Variants in TSEN2 observed in about 807,000 individuals in gnomAD.
The protein encoded by TSEN2 is tRNA-splicing endonuclease subunit Sen2.
Under a neutral mutation model 59.2 loss-of-function variants are expected in TSEN2, and 54 were observed. The observed-to-expected ratio is 0.91, with a 90% CI of 0.73 to 1.14. TSEN2 has a LOEUF of 1.14. Ranked by LOEUF, TSEN2 falls within the 50% of genes most tolerant of loss-of-function variation. TSEN2 has a pLI of 0.00. For missense variants in TSEN2, 636 were observed against 576.2 expected, an observed-to-expected ratio of 1.10 and a Z score of -1.06; for synonymous variants, 195 against 198.2, an observed-to-expected ratio of 0.98 and a Z score of 0.14.
At chr3:12,500,513 C>T (rs1345414242) in intron 4 of TSEN2, among the ~76,000 whole-genome samples, 1 of 152,202 alleles carries the variant, frequency 6.6e-6, no homozygotes, top group Non-Finnish European at 1.5e-5. Flanking sequence ...AGGACCTAGA[C>T]CTCCAGAGGC....
In TSEN2 at chr3:12,489,711, G is replaced by A. The variant is rs546630254; in HGVS notation, c.-17-73G>A. On this transcript the variant is annotated intron_variant, in intron 1 of 11. Transcript: ENST00000284995. ...ACTAAGTTTTCTGAGCCTAGGTACA[G>A]ATGTACTCACATTTTGGATCAAGGT... is the stretch of plus-strand genomic sequence containing the variant. The A allele has an allele frequency of 1.1e-5, 14 of 1,292,082 alleles. No homozygotes were observed. The Admixed American group carries it at 1.9e-4, about 17-fold the overall frequency. 80.0% of individuals were successfully genotyped at this position (1,292,082 alleles called of 1,614,324 possible).
rs167257 is a variant in TSEN2 at position 12,532,499 on chromosome 3, T to C, written c.1339-163T>C. Among the ~76,000 whole-genome samples, 64,844 of 152,100 alleles carry C rather than the reference T, an allele frequency of 0.43. 15,387 individuals carry two copies. The highest frequency in any genetic ancestry group is 0.63 in the African/African-American group (26,168 of 41,466). On this transcript the variant is annotated intron_variant, in intron 11 of 11. Transcript: ENST00000284995. ...ATACTGTATGCTTGTAAGGTTTATA[T>C]TGTTACATTCATTTTCTCCAGATGT...
chr3:12,487,002 A>G (rs1575200952), intron 1 of TSEN2, among the ~76,000 whole-genome samples: 1 of 152,224 alleles, frequency 6.6e-6, no homozygotes, highest in South Asian at 2.1e-4. Context: ...GAACATTCAC[A>G]TACAAATTTT....
Position 12,520,148 on chromosome 3 carries a change from G to A in TSEN2, c.1099+951G>A, listed in dbSNP as rs1322498149. Among the ~76,000 whole-genome samples, 6 of 152,140 alleles carry A rather than the reference G, an allele frequency of 3.9e-5. No individual in the cohort carries two copies. In the South Asian group the frequency reaches 8.3e-4, roughly 21 times the overall value. ...CGAGTAGCTGGGAATACAGGCGCCC[G>A]CCATCACACCCGGCTAATTTTTTGT... On this transcript the variant is annotated intron_variant, in intron 8 of 11. Coordinates refer to ENST00000284995, the MANE Select transcript of TSEN2 (RefSeq NM_025265.4).
At chr3:12,536,930 GA>G (rs1451194409), downstream of TSEN2, among the ~76,000 whole-genome samples, 3 of 151,968 alleles carry the variant, frequency 2.0e-5, no homozygotes, top group Non-Finnish European at 4.4e-5. Context: ...TTGAACCCGG[GA>G]GGTGGGAGGT....
In TSEN2 at chr3:12,503,381, G is replaced by A. The variant is rs577006393; in HGVS notation, c.428G>A (p.Arg143Lys). Residue 143 changes from arginine to lysine, a missense_variant, in exon 5 of 12, where the codon AGG becomes AAG. Arg to Lys is a conservative substitution (Grantham distance 26). Transcript: ENST00000284995. ...CCGCTTGAGCATCCTCCTGTGAAAAGGAATGAAGAGGCTCAAGTGCATGAC... is the reference window on the plus strand; with the variant it reads ...CCGCTTGAGCATCCTCCTGTGAAAAAGAATGAAGAGGCTCAAGTGCATGAC... ...TKPLEHPPVK[R>K]NEEAQVHDKL... 1.2e-5 allele frequency: 20 copies of A among 1,614,080 alleles called. No individual in the cohort carries two copies. Among genetic ancestry groups the A allele is most frequent in the Non-Finnish European group, 1.6e-5 (19 of 1,180,052 alleles).
intron 4 of TSEN2, among the ~76,000 whole-genome samples, chr3:12,497,823 A>G (rs2053908246): frequency 6.6e-6 from 1 of 152,160 alleles, no homozygotes; most frequent in Admixed American, 6.5e-5. Flanking sequence ...CACAGACTCA[A>G]TGGCTTAAAA....
chr3:12,514,245 C>T (rs2055811544), intron 6 of TSEN2, among the ~76,000 whole-genome samples: 1 of 152,118 alleles, frequency 6.6e-6, no homozygotes, highest in Admixed American at 6.5e-5. Flanking sequence ...ATTACAGAGG[C>T]AAAGGCCTGA....
At position 12,533,019 on chromosome 3, in the gene TSEN2, C is replaced by A. The variant is rs2057559678; in HGVS notation, c.*298C>A. ...CTGGGGAGATTGGACTAGAGGAGTCCTGAGAGGACACTTCCAACAAGAGAC... is the reference window on the plus strand; with the variant it reads ...CTGGGGAGATTGGACTAGAGGAGTCATGAGAGGACACTTCCAACAAGAGAC... On this transcript the variant is annotated 3_prime_UTR_variant, in exon 12 of 12. Transcript: ENST00000284995. 2 of 482,216 alleles carry A rather than the reference C, an allele frequency of 4.1e-6. No individual in the cohort carries two copies. Among genetic ancestry groups the A allele is most frequent in the East Asian group, 7.6e-5 (2 of 26,196 alleles). The allele number at this position is 482,216 out of a possible 1,614,324, so 29.9% of individuals were successfully genotyped here. A position where few individuals can be genotyped will look rare whatever the true frequency, so the allele number is the denominator to read the frequency against.
intron 8 of TSEN2, among the ~76,000 whole-genome samples, chr3:12,526,341 C>T (rs1399619441): frequency 4.6e-5 from 7 of 152,250 alleles, no homozygotes; most frequent in South Asian, 2.1e-4. Context: ...TACAGGTATA[C>T]GGGTTTTCTC....
intron 2 of TSEN2, among the ~76,000 whole-genome samples, chr3:12,491,148 G>A (rs1235892504): frequency 6.6e-6 from 1 of 151,988 alleles, no homozygotes; most frequent in Non-Finnish European, 1.5e-5. Flanking sequence ...ATGCCACCAT[G>A]CCTGGCTAAT....
intron 6 of TSEN2, among the ~76,000 whole-genome samples, chr3:12,506,013 T>C (rs147134365): frequency 9.9e-4 from 151 of 152,236 alleles, no homozygotes; most frequent in African/African-American, 3.5e-3. Flanking sequence ...AGATGCTGAC[T>C]GGTGATGCCG....
chr3:12,506,976 C>T (rs1429328680), intron 6 of TSEN2: 13 of 472,902 alleles, frequency 2.7e-5, no homozygotes, highest in East Asian at 1.5e-4. Flanking sequence ...GGGTGGATCA[C>T]GAGGTCAGGA....
Position 12,503,348 on chromosome 3 carries a change from A to G in TSEN2, c.395A>G (p.Tyr132Cys). Residue 132 changes from tyrosine (Y) to cysteine (C), a missense_variant, in exon 5 of 12, where the codon TAC (tyrosine) becomes TGC (cysteine). Transcript: ENST00000284995. ...ESTVRRILKD[Y>C]TKPLEHPPVK... ...ACAGTGCGCAGAATCCTCAAGGATT[A>G]CACGAAACCGCTTGAGCATCCTCCT... 4 of 1,614,260 alleles carry G rather than the reference A, an allele frequency of 2.5e-6. No individual in the cohort carries two copies. The highest frequency in any genetic ancestry group is 3.4e-6 in the Non-Finnish European group (4 of 1,180,044).
downstream of TSEN2, among the ~76,000 whole-genome samples, chr3:12,535,892 C>T (rs1225732932): frequency 3.9e-5 from 6 of 152,076 alleles, no homozygotes; most frequent in African/African-American, 7.2e-5. Flanking sequence ...AAAACAGGGG[C>T]GACGTTGGAA....
chr3:12,511,872 A>G (rs541386321), intron 6 of TSEN2, among the ~76,000 whole-genome samples: 1 of 152,326 alleles, frequency 6.6e-6, no homozygotes, highest in South Asian at 2.1e-4. Flanking sequence ...TAGGTTTTAT[A>G]TATTTTTGAG....
intron 6 of TSEN2, chr3:12,511,111 T>C (rs2055403879): frequency 6.6e-6 from 1 of 152,300 alleles, no homozygotes; most frequent in Non-Finnish European, 1.5e-5. Context: ...CAGCATCCAG[T>C]ATTCCCAGGC....
intron 4 of TSEN2, among the ~76,000 whole-genome samples, chr3:12,497,920 G>C (rs984345199): frequency 6.6e-6 from 1 of 152,130 alleles, no homozygotes; most frequent in Non-Finnish European, 1.5e-5. Context: ...AAGGCTCTGG[G>C]GGAGCATCCT....
rs1269902581 is a variant in TSEN2 at position 12,519,143 on chromosome 3, T to C, written c.1045T>C (p.Phe349Leu). Reference protein sequence around the residue: ...FRTTYMAYHYFRSKGWVPKVG... With the variant: ...FRTTYMAYHYLRSKGWVPKVG... Reference sequence around the variant, plus strand: ...AACCACCTACATGGCCTACCATTACTTTCGAAGCAAGGGCTGGGTGCCCAA... The same window carrying C: ...AACCACCTACATGGCCTACCATTACCTTCGAAGCAAGGGCTGGGTGCCCAA... The change falls in exon 8 of 12, where the codon TTT becomes CTT. Residue 349 changes from phenylalanine (F) to leucine (L), a missense_variant. By Grantham distance (22) the Phe-to-Leu change is conservative (BLOSUM62 0). Coordinates refer to ENST00000284995, the MANE Select transcript of TSEN2 (RefSeq NM_025265.4). 3.1e-6 allele frequency: 5 copies of C among 1,614,254 alleles called. No individual in the cohort carries two copies. Among genetic ancestry groups the C allele is most frequent in the South Asian group, 1.1e-5 (1 of 91,092 alleles).
Sources: allele counts gnomAD v4.1 joint callset (sites outside exome capture counted in the v4.1 genomes callset), GRCh38; gene constraint gnomAD v4.1.1; transcripts MANE v1.5; gene names NCBI Gene and HGNC (gene_info 2026-07-23, HGNC 2026-07-21).